INPP4B: variants seen among roughly 807,000 people sequenced by gnomAD.
INPP4B encodes inositol polyphosphate-4-phosphatase type II B.
A neutral mutation model predicts 122.5 loss-of-function variants in INPP4B; 55 were observed. That is an observed-to-expected ratio of 0.45 (90% CI 0.36 to 0.56). INPP4B has a LOEUF of 0.56. INPP4B is among the 20% of genes least tolerant of loss of function. The pLI is 0.00. For missense variants in INPP4B, 1,000 were observed against 1,097.7 expected (o/e 0.91, Z 1.26); for synonymous variants, 403 against 388.7 (o/e 1.04, Z -0.43).
chr4:142,055,606 G>A (rs556631310), intron 25 of INPP4B, among the ~76,000 whole-genome samples: 3 of 151,138 alleles, frequency 2.0e-5, no homozygotes, highest in Non-Finnish European at 2.9e-5. Context: ...TAGGGCATCA[G>A]GATAAGTAAT....
rs1381172815 is a variant in INPP4B at position 142,188,516 on chromosome 4, A to ATATATAT, written c.1181+4570_1181+4571insATATATA. 3.1e-3 allele frequency among the ~76,000 whole-genome samples: 361 copies of ATATATAT among 116,032 alleles called. 1 individual carries two copies. The highest frequency in any genetic ancestry group is 3.5e-3 in the African/African-American group (108 of 30,832). The allele number at this position is 116,032 out of a possible 152,430, so 76.1% of individuals were successfully genotyped here. Reference sequence around the variant, plus strand: ...AAAAAAAAAAAAAAAAAAAAGAAAAAAAATATATATAGCTTGACTTATGAG... The same window carrying ATATATAT: ...AAAAAAAAAAAAAAAAAAAAGAAAAATATATATAAATATATATAGCTTGACTTATGAG... On this transcript the variant is annotated intron_variant, in intron 15 of 25. Transcript: ENST00000262992.
At chr4:142,476,456 C>T (rs1386294657) in intron 2 of INPP4B, among the ~76,000 whole-genome samples, 1 of 152,088 alleles carries the variant, frequency 6.6e-6, no homozygotes, top group Non-Finnish European at 1.5e-5. Context: ...CAGCTAACAA[C>T]ACAAGGACAG....
chr4:142,256,409 T>A (rs1736098809), intron 11 of INPP4B, among the ~76,000 whole-genome samples: 1 of 151,760 alleles, frequency 6.6e-6, no homozygotes, highest in Non-Finnish European at 1.5e-5. Flanking sequence ...AATTAATGAA[T>A]CCAGGAGCTG....
intron 2 of INPP4B, among the ~76,000 whole-genome samples, chr4:142,614,958 A>G (rs1178414918): frequency 1.3e-5 from 2 of 152,164 alleles, no homozygotes; most frequent in Admixed American, 6.6e-5. Flanking sequence ...CTAAATTAGT[A>G]CAACCTCTAT....
intron 2 of INPP4B, among the ~76,000 whole-genome samples, chr4:142,652,385 A>G (rs1359083049): frequency 2.0e-5 from 3 of 152,178 alleles, no homozygotes; most frequent in Non-Finnish European, 2.9e-5. Context: ...ATCAGGCAAG[A>G]GAAAGAAATT....
intron 1 of INPP4B, among the ~76,000 whole-genome samples, chr4:142,758,197 A>G (rs1454876920): frequency 1.3e-5 from 2 of 152,188 alleles, no homozygotes; most frequent in African/African-American, 4.8e-5. Flanking sequence ...CATAGGATGA[A>G]TAGATGAAAG....
intron 2 of INPP4B, among the ~76,000 whole-genome samples, chr4:142,621,557 A>G (rs576693477): frequency 3.2e-4 from 49 of 152,086 alleles, no homozygotes; most frequent in African/African-American, 1.1e-3. Flanking sequence ...TGGAAAGGAC[A>G]TGATTGTAAG....
chr4:142,111,219 A>G (rs533384390), intron 22 of INPP4B, among the ~76,000 whole-genome samples: 5 of 152,236 alleles, frequency 3.3e-5, no homozygotes, highest in South Asian at 2.1e-4. Context: ...AGCATGTTAA[A>G]TATTATAATA....
intron 2 of INPP4B, among the ~76,000 whole-genome samples, chr4:142,484,311 A>T (rs1371375117): frequency 6.6e-6 from 1 of 152,112 alleles, no homozygotes; most frequent in Non-Finnish European, 1.5e-5. Context: ...TTTTAACACC[A>T]ATTAAGAATA....
At chr4:142,141,100 T>C (rs949172626) in intron 18 of INPP4B, among the ~76,000 whole-genome samples, 1 of 152,216 alleles carries the variant, frequency 6.6e-6, no homozygotes, top group East Asian at 1.9e-4. Flanking sequence ...TGCTTTCAGA[T>C]ACACCTTAGG....
intron 7 of INPP4B, among the ~76,000 whole-genome samples, chr4:142,384,537 G>T (rs891593651): frequency 6.6e-6 from 1 of 151,936 alleles, no homozygotes; most frequent in African/African-American, 2.4e-5. Context: ...ACACAGAAAA[G>T]ATACAGTACA....
At chr4:142,671,332 T>G (rs879448775) in intron 2 of INPP4B, among the ~76,000 whole-genome samples, 2 of 152,132 alleles carry the variant, frequency 1.3e-5, no homozygotes, top group Admixed American at 1.3e-4. Context: ...CAGCACAACA[T>G]CATATGACCC....
chr4:142,784,266 G>A (rs1274337374), intron 1 of INPP4B, among the ~76,000 whole-genome samples: 2 of 151,848 alleles, frequency 1.3e-5, no homozygotes, highest in Non-Finnish European at 1.5e-5. Flanking sequence ...AGGACGATGA[G>A]GTAGGAGAAT....
intron 9 of INPP4B, among the ~76,000 whole-genome samples, chr4:142,284,902 C>T (rs766260015): frequency 6.6e-6 from 1 of 152,080 alleles, no homozygotes; most frequent in Non-Finnish European, 1.5e-5. Flanking sequence ...GTGAATTAAT[C>T]AGTTAATCAA....
chr4:142,239,245 T>C (rs1278460504), intron 11 of INPP4B, among the ~76,000 whole-genome samples: 1 of 152,108 alleles, frequency 6.6e-6, no homozygotes, highest in Non-Finnish European at 1.5e-5. Context: ...TAATGGAAAT[T>C]TTGATTTCGA....
intron 2 of INPP4B, among the ~76,000 whole-genome samples, chr4:142,620,334 C>A (rs1033666837): frequency 1.3e-5 from 2 of 151,854 alleles, no homozygotes; most frequent in Non-Finnish European, 1.5e-5. Context: ...TAGAAAAGAG[C>A]GAGATTATGT....
At chr4:142,765,302 G>A (rs558267492) in intron 1 of INPP4B, among the ~76,000 whole-genome samples, 92 of 152,178 alleles carry the variant, frequency 6.0e-4, no homozygotes, top group African/African-American at 2.1e-3. Flanking sequence ...TTATAGGTGG[G>A]GGTGGCACTG....
At chr4:142,816,029 C>T (rs1480825421) in intron 1 of INPP4B, among the ~76,000 whole-genome samples, 1 of 152,114 alleles carries the variant, frequency 6.6e-6, no homozygotes, top group Non-Finnish European at 1.5e-5. Flanking sequence ...TGTGTCCCCA[C>T]CAGTGTTTCT....
At chr4:142,476,754 C>T (rs1405463607) in intron 2 of INPP4B, among the ~76,000 whole-genome samples, 2 of 152,060 alleles carry the variant, frequency 1.3e-5, no homozygotes, top group Non-Finnish European at 2.9e-5. Context: ...ACAAAAAGAC[C>T]TAACTATCCA....
Sources: gnomAD v4.1 joint callset for allele counts (sites outside exome capture counted in the v4.1 genomes callset) on GRCh38, gnomAD v4.1.1 for gene constraint, MANE v1.5 for transcripts, NCBI Gene and HGNC (gene_info 2026-07-23, HGNC 2026-07-21) for gene names.